The following PKN2 variants were observed in gnomAD, a reference collection of about 807,000 sequenced individuals.
PKN2 encodes serine/threonine-protein kinase N2.
A neutral mutation model predicts 119.1 loss-of-function variants in PKN2; 38 were observed. The ratio of observed to expected loss-of-function variants is 0.32; its 90% CI spans 0.25 to 0.42. The LOEUF is 0.42. Ranked by LOEUF, PKN2 falls within the 10% of genes least tolerant of loss-of-function variation. The probability of loss-of-function intolerance (pLI) is 1.00; values close to 1 mark genes in which losing one functional copy is unlikely to be tolerated. For synonymous variants in PKN2, 390 were observed against 384.9 expected (o/e 1.01, Z -0.15); for missense variants, 850 against 1,165.1 (o/e 0.73, Z 3.94).
Position 88,775,136 on chromosome 1 carries a change from A to AT in PKN2, c.985+3265dup, listed in dbSNP as rs905568792. On this transcript the variant is annotated intron_variant, in intron 6 of 21. Coordinates refer to ENST00000370521, the MANE Select transcript of PKN2 (RefSeq NM_006256.4). The stretch of plus-strand genomic sequence containing the variant: ...CACACCACCACGCTCAGCTTATTTT[A>AT]TTTTTTTTGTAGAGATGGGGTTTCT... Among the ~76,000 whole-genome samples, 145 of 150,446 alleles carry AT rather than the reference A, an allele frequency of 9.6e-4. No homozygotes were observed. In the Middle Eastern group the frequency reaches 0.021, roughly 21 times the overall value.
intron 1 of PKN2, among the ~76,000 whole-genome samples, chr1:88,686,175 G>A (rs142971563): frequency 2.6e-4 from 39 of 152,190 alleles, no homozygotes; most frequent in Non-Finnish European, 4.4e-4. Flanking sequence ...GATGATGTGA[G>A]GCAAGTCAGA....
chr1:88,813,484 T>A, intron 15 of PKN2, 73 bp from the exon 16 acceptor site: 1 of 1,084,126 alleles, frequency 9.2e-7, no homozygotes, highest in Non-Finnish European at 1.3e-6. Flanking sequence ...TTAAGTTTAG[T>A]AATTTATAAA....
chr1:88,726,453 T>C (rs1438225742), intron 1 of PKN2, among the ~76,000 whole-genome samples: 4 of 152,174 alleles, frequency 2.6e-5, no homozygotes, highest in African/African-American at 7.2e-5. Context: ...ATCTTTATTC[T>C]CTTGATATAT....
rs1570533058 is a variant in PKN2, at chr1:88,722,955, G to C, written c.49-18033G>C. 1.3e-5 allele frequency among the ~76,000 whole-genome samples: 2 copies of C among 152,132 alleles called. 1 individual carries two copies. Among genetic ancestry groups the C allele is most frequent in the East Asian group, 3.9e-4 (2 of 5,186 alleles). On this transcript the variant is annotated intron_variant, in intron 1 of 21. Coordinates refer to ENST00000370521, the MANE Select transcript of PKN2 (RefSeq NM_006256.4). ...ATGAGGGATATGATAGGAAATGTAA[G>C]TGGAATGTACTGTGGGTCACCTGGC...
At chr1:88,694,851 G>T (rs1351143103) in intron 1 of PKN2, among the ~76,000 whole-genome samples, 1 of 152,126 alleles carries the variant, frequency 6.6e-6, no homozygotes, top group Non-Finnish European at 1.5e-5. Flanking sequence ...ATTGATTTTT[G>T]AATATGGAGA....
intron 1 of PKN2, among the ~76,000 whole-genome samples, chr1:88,720,955 A>G (rs1288938641): frequency 5.9e-5 from 9 of 152,032 alleles, no homozygotes. Flanking sequence ...AAATGCCATT[A>G]TTTTGTTCCT....
At position 88,738,180 on chromosome 1, in the gene PKN2, C is replaced by A. The variant is rs75953935; in HGVS notation, c.49-2808C>A. On this transcript the variant is annotated intron_variant, in intron 1 of 21. Transcript: ENST00000370521. ...GACAAGTCATTAAAAAACAAACAAA[C>A]AAAAAAAAACCAAACTAATCTGCCA... Among the ~76,000 whole-genome samples the A allele has an allele frequency of 2.7e-4, 35 of 131,486 alleles. No individual in the cohort carries two copies. The South Asian group carries it at 3.5e-3, about 13-fold the overall frequency. 86.3% of individuals were successfully genotyped at this position (131,486 alleles called of 152,430 possible). A position where few individuals can be genotyped will look rare whatever the true frequency, so the allele number is the denominator to read the frequency against.
intron 3 of PKN2, among the ~76,000 whole-genome samples, chr1:88,765,383 T>A (rs1362059768): frequency 6.6e-6 from 1 of 152,154 alleles, no homozygotes; most frequent in African/African-American, 2.4e-5. Flanking sequence ...GCATCGGTTT[T>A]AAGTGTTTCC....
chr1:88,724,859 A>G (rs991188131), intron 1 of PKN2, among the ~76,000 whole-genome samples: 1 of 145,226 alleles, frequency 6.9e-6, no homozygotes, highest in African/African-American at 2.6e-5. Flanking sequence ...GGTGTGAGCC[A>G]CTGTGCCCGC....
At chr1:88,831,127 A>G (rs1672712771) in intron 19 of PKN2, among the ~76,000 whole-genome samples, 1 of 151,934 alleles carries the variant, frequency 6.6e-6, no homozygotes, top group Admixed American at 6.6e-5. Flanking sequence ...AGAATGCTGG[A>G]CATGGTTTTA....
At chr1:88,763,543 G>A (rs1169178862) in intron 3 of PKN2, among the ~76,000 whole-genome samples, 1 of 143,630 alleles carries the variant, frequency 7.0e-6, no homozygotes, top group Non-Finnish European at 1.5e-5. Context: ...GGAGGCAGAG[G>A]TTGTGGTGAG....
intron 5 of PKN2, 39 bp from the exon 6 acceptor site, chr1:88,771,624 A>G (rs1669898006): frequency 6.3e-7 from 1 of 1,590,972 alleles, no homozygotes; most frequent in Non-Finnish European, 8.6e-7. Flanking sequence ...AAAGTATGTG[A>G]TTATTTAAAT....
At chr1:88,765,645 G>A (rs950176176) in intron 3 of PKN2, among the ~76,000 whole-genome samples, 2 of 152,048 alleles carry the variant, frequency 1.3e-5, no homozygotes, top group African/African-American at 4.8e-5. Context: ...TTGTTGTAGT[G>A]GAAGTGGTGT....
intron 1 of PKN2, among the ~76,000 whole-genome samples, chr1:88,697,024 A>G (rs1666565944): frequency 1.3e-5 from 2 of 152,098 alleles, no homozygotes; most frequent in African/African-American, 4.8e-5. Context: ...TTCTGATAAG[A>G]AAATCATATT....
chr1:88,688,878 T>C (rs1319448650), intron 1 of PKN2, among the ~76,000 whole-genome samples: 1 of 152,230 alleles, frequency 6.6e-6, no homozygotes, highest in Non-Finnish European at 1.5e-5. Context: ...AGAAGTTCAT[T>C]ATAATCTTTG....
intron 8 of PKN2, among the ~76,000 whole-genome samples, chr1:88,798,696 AAC>A (rs1188399621): frequency 1.3e-5 from 2 of 152,232 alleles, no homozygotes; most frequent in Non-Finnish European, 2.9e-5. Flanking sequence ...AAGAATGACT[AAC>A]ACACGGAGTG....
intron 1 of PKN2, among the ~76,000 whole-genome samples, chr1:88,720,812 T>A (rs1294771547): frequency 6.6e-6 from 1 of 152,160 alleles, no homozygotes; most frequent in Non-Finnish European, 1.5e-5. Context: ...CCAAAGTCCA[T>A]TGTATCATTC....
At position 88,755,387 on chromosome 1, in the gene PKN2, GA is replaced by G. The variant is rs146824522; in HGVS notation, c.350-4828del. Reference sequence around the variant, plus strand: ...AGTGTTTCTCTGATTTCTAATTGGGGAAAAAAAGTGAACTTTATAAAGTTTA... The same window carrying G: ...AGTGTTTCTCTGATTTCTAATTGGGGAAAAAAGTGAACTTTATAAAGTTTA... On this transcript the variant is annotated intron_variant, in intron 2 of 21. Transcript: ENST00000370521. 5.6e-3 allele frequency among the ~76,000 whole-genome samples: 854 copies of G among 152,068 alleles called. 4 individuals are homozygous for G. The highest frequency in any genetic ancestry group is 0.018 in the African/African-American group (753 of 41,492).
intron 19 of PKN2, chr1:88,829,345 G>A (rs1179169254): frequency 9.9e-6 from 5 of 502,814 alleles, no homozygotes; most frequent in African/African-American, 1.9e-5. Flanking sequence ...CAGCTCCACC[G>A]AGATTCCTGA....
Sources: gnomAD v4.1 joint callset for allele counts (sites outside exome capture counted in the v4.1 genomes callset) on GRCh38, gnomAD v4.1.1 for gene constraint, MANE v1.5 for transcripts, NCBI Gene and HGNC (gene_info 2026-07-23, HGNC 2026-07-21) for gene names.